The following ZNF670 variants were observed in gnomAD, a reference collection of about 807,000 sequenced individuals.
ZNF670 encodes zinc finger protein 670.
In ZNF670, 7 loss-of-function variants were observed where a neutral mutation model predicts 10.9. The ratio of observed to expected loss-of-function variants is 0.64; its 90% confidence interval spans 0.36 to 1.20. The LOEUF is 1.20. Among genes scored for constraint, ZNF670 ranks in the 50% most tolerant of loss-of-function variants. The probability of loss-of-function intolerance (pLI) is 0.02; values close to 1 mark genes in which losing one functional copy is unlikely to be tolerated. For synonymous variants in ZNF670, 136 were observed against 152.7 expected (o/e 0.89, Z 0.81); for missense variants, 446 against 458.6 (o/e 0.97, Z 0.25).
At chr1:247,057,356 T>C (rs1331298955) in intron 1 of ZNF670, among the ~76,000 whole-genome samples, 4 of 152,198 alleles carry the variant, frequency 2.6e-5, no homozygotes, top group Non-Finnish European at 4.4e-5. Flanking sequence ...GGAGAGGATG[T>C]AGAGATAAGG....
At chr1:247,067,457 C>T (rs1285222812) in intron 1 of ZNF670, among the ~76,000 whole-genome samples, 3 of 134,186 alleles carry the variant, frequency 2.2e-5, no homozygotes, top group Non-Finnish European at 4.8e-5. Flanking sequence ...AAAAAAAAGA[C>T]TTGTCTCAGA....
chr1:247,058,410 T>C (rs1333124207), intron 1 of ZNF670, among the ~76,000 whole-genome samples: 1 of 152,140 alleles, frequency 6.6e-6, no homozygotes. Flanking sequence ...ATGGAGGGCA[T>C]GTGCTAGAAA....
intron 1 of ZNF670, among the ~76,000 whole-genome samples, chr1:247,064,090 C>G (rs996761667): frequency 6.6e-6 from 1 of 152,230 alleles, no homozygotes; most frequent in Non-Finnish European, 1.5e-5. Context: ...TTAGGATCCC[C>G]ATCCTGCACA....
At chr1:247,063,788 C>G (rs1226392571) in intron 1 of ZNF670, among the ~76,000 whole-genome samples, 1 of 152,120 alleles carries the variant, frequency 6.6e-6, no homozygotes, top group Admixed American at 6.5e-5. Context: ...CCCTGCACAC[C>G]AAGTGAAAAC....
chr1:247,042,203 A>G (rs1670327207), intron 1 of ZNF670, among the ~76,000 whole-genome samples: 1 of 152,218 alleles, frequency 6.6e-6, no homozygotes, highest in African/African-American at 2.4e-5. Flanking sequence ...TACAGATTTC[A>G]CAGAAATAAG....
chr1:247,068,469 A>T (rs1384625274), intron 1 of ZNF670, among the ~76,000 whole-genome samples: 1 of 150,694 alleles, frequency 6.6e-6, no homozygotes, highest in South Asian at 2.1e-4. Context: ...ATATCATCTC[A>T]CCCCAGTTAA....
At chr1:247,039,971 T>C (rs1670266454) in intron 1 of ZNF670, among the ~76,000 whole-genome samples, 1 of 152,224 alleles carries the variant, frequency 6.6e-6, no homozygotes, top group South Asian at 2.1e-4. Flanking sequence ...ATAGATTTTT[T>C]TGACGGATCT....
chr1:247,062,874 A>G (rs1415995298), intron 1 of ZNF670, among the ~76,000 whole-genome samples: 1 of 151,064 alleles, frequency 6.6e-6, no homozygotes, highest in Non-Finnish European at 1.5e-5. Context: ...CCCAGGTCAG[A>G]TATTCATCAG....
intron 3 of ZNF670, 88 bp from the exon 4 acceptor site, chr1:247,038,515 T>C (rs1437237580): frequency 5.2e-6 from 7 of 1,352,262 alleles, no homozygotes; most frequent in South Asian, 4.3e-5. Flanking sequence ...TTTCCTGCCA[T>C]ATCTAAATTG....
rs899149944 is a variant in ZNF670 at position 247,037,527 on chromosome 1, G to C, written c.1092C>G (p.Pro364=). The change falls in exon 4 of 4, where the codon CCC becomes CCG. Residue 364 remains proline, a synonymous_variant. Coordinates refer to ENST00000366503, the MANE Select transcript of ZNF670 (RefSeq NM_033213.5). The part of the protein sequence containing the change: ...SHERTHTGEK[P]YECKKCGKAF... ...CTTTACCACATTTCTTACATTCATA[G>C]GGTTTTTCTCCAGTATGAGTCCTTT... 6 of 1,614,016 alleles carry C rather than the reference G, an allele frequency of 3.7e-6. No homozygotes were observed. The highest frequency in any genetic ancestry group is 1.6e-4 in the Middle Eastern group (1 of 6,082).
chr1:247,073,331 T>C (rs188725440), intron 1 of ZNF670, among the ~76,000 whole-genome samples: 288 of 152,210 alleles, frequency 1.9e-3, no homozygotes, highest in Admixed American at 2.9e-3. Flanking sequence ...GTTAAATAGG[T>C]TCCCAAGCTT....
Position 247,038,005 on chromosome 1 carries a change from G to A in ZNF670, c.614C>T (p.Ala205Val), listed in dbSNP as rs141950685. Residue 205 changes from alanine (A) to valine (V), a missense_variant, in exon 4 of 4, where the codon GCC becomes GTC. Ala to Val is a moderately conservative substitution (Grantham distance 64). Transcript: ENST00000366503. ...ACGAAGATAACTTGAATAATTGAAG[G>A]CTTTATCACAATGTTTACATTTATA... is the stretch of plus-strand genomic sequence containing the variant. The part of the protein sequence containing the change: ...KTYKCKHCDK[A>V]FNYSSYLREH... 1 of 1,613,712 alleles carries A rather than the reference G, an allele frequency of 6.2e-7. No homozygotes were observed.
At chr1:247,077,130 T>A (rs1477659341) in intron 1 of ZNF670, among the ~76,000 whole-genome samples, 1 of 152,250 alleles carries the variant, frequency 6.6e-6, no homozygotes, top group Non-Finnish European at 1.5e-5. Flanking sequence ...AGCATCTGAC[T>A]GGCTGCCACC....
intron 1 of ZNF670, among the ~76,000 whole-genome samples, chr1:247,040,318 TAACA>T (rs1670274238): frequency 6.6e-6 from 1 of 152,196 alleles, no homozygotes; most frequent in South Asian, 2.1e-4. Flanking sequence ...TTATCTTTAA[TAACA>T]AACAAAACAA....
chr1:247,038,544 A>G, intron 3 of ZNF670, 117 bp from the exon 4 acceptor site: 1 of 1,104,044 alleles, frequency 9.1e-7, no homozygotes, highest in South Asian at 1.6e-5. Flanking sequence ...TAAATAAATT[A>G]ATTACTGTAA....
intron 1 of ZNF670, among the ~76,000 whole-genome samples, chr1:247,064,548 C>G (rs141406505): frequency 5.8e-4 from 89 of 152,336 alleles, no homozygotes; most frequent in Non-Finnish European, 1.0e-3. Flanking sequence ...AAGAGTTCCA[C>G]TGTTGTCTTC....
intron 1 of ZNF670, among the ~76,000 whole-genome samples, chr1:247,075,883 C>T (rs1239988343): frequency 6.6e-6 from 1 of 152,168 alleles, no homozygotes; most frequent in Non-Finnish European, 1.5e-5. Flanking sequence ...ACTTGAGAAA[C>T]TTACTACACT....
At chr1:247,063,345 G>A (rs1324729412) in intron 1 of ZNF670, among the ~76,000 whole-genome samples, 11 of 152,072 alleles carry the variant, frequency 7.2e-5, no homozygotes, top group East Asian at 3.9e-4. Context: ...AGGCTGAGGC[G>A]GGCGGATCAA....
At chr1:247,076,495 A>T (rs538091706) in intron 1 of ZNF670, among the ~76,000 whole-genome samples, 2 of 151,860 alleles carry the variant, frequency 1.3e-5, no homozygotes, top group South Asian at 4.2e-4. Flanking sequence ...TGACCTCGTG[A>T]TCCGCCCGCC....
Sources: allele counts gnomAD v4.1 joint callset (sites outside exome capture counted in the v4.1 genomes callset), GRCh38; gene constraint gnomAD v4.1.1; transcripts MANE v1.5; gene names NCBI Gene and HGNC (gene_info 2026-07-23, HGNC 2026-07-21).